DDB1: variants seen among roughly 807,000 people sequenced by gnomAD.
DDB1 encodes DNA damage-binding protein 1.
A neutral mutation model predicts 133.1 loss-of-function variants in DDB1; 18 were observed. That is an observed-to-expected ratio of 0.14 (90% confidence interval 0.09 to 0.20). The LOEUF is 0.20. Ranked by LOEUF, DDB1 falls within the 10% of genes least tolerant of loss-of-function variation. The pLI is 1.00. For synonymous variants in DDB1, 580 were observed against 550.5 expected, an observed-to-expected ratio of 1.05 and a Z score of -0.75; for missense variants, 828 against 1,459.2, an observed-to-expected ratio of 0.57 and a Z score of 7.05.
At position 61,332,999 on chromosome 11, in the gene DDB1, G is replaced by A. The variant is rs369927446; in HGVS notation, c.-31C>T. The stretch of plus-strand genomic sequence containing the variant: ...GGCTTGGAGCGGCCCGTCGGGACTC[G>A]AGCGCGACACTAGAAAGAGGGACAC... On this transcript the variant is annotated 5_prime_UTR_variant, in exon 1 of 27. Coordinates refer to ENST00000301764, the MANE Select transcript of DDB1 (RefSeq NM_001923.5). 6.7e-7 allele frequency: 1 copy of A among 1,483,024 alleles called. No homozygotes were observed. Among genetic ancestry groups the A allele is most frequent in the Non-Finnish European group, 9.0e-7 (1 of 1,107,206 alleles). The allele number at this position is 1,483,024 out of a possible 1,614,324, so 91.9% of individuals were successfully genotyped here. A position where few individuals can be genotyped will look rare whatever the true frequency, so the allele number is the denominator to read the frequency against.
intron 21 of DDB1, among the ~76,000 whole-genome samples, chr11:61,304,468 A>G (rs1165682304): frequency 6.6e-6 from 1 of 152,094 alleles, no homozygotes; most frequent in Non-Finnish European, 1.5e-5. Context: ...CTCTGTCTCA[A>G]AAAAAAGAAA....
intron 10 of DDB1, among the ~76,000 whole-genome samples, chr11:61,319,389 T>C (rs1856139517): frequency 6.6e-6 from 1 of 152,192 alleles, no homozygotes; most frequent in African/African-American, 2.4e-5. Flanking sequence ...CTTAACAGTA[T>C]GCTTCAGTAT....
intron 10 of DDB1, among the ~76,000 whole-genome samples, chr11:61,317,250 A>G (rs1316425891): frequency 1.3e-5 from 2 of 151,098 alleles, no homozygotes; most frequent in African/African-American, 4.9e-5. Context: ...AGTAGCTGGG[A>G]AGGCAGGTGC....
chr11:61,308,223 C>A (rs1260367284), intron 21 of DDB1, among the ~76,000 whole-genome samples: 2 of 152,198 alleles, frequency 1.3e-5, no homozygotes, highest in Admixed American at 6.5e-5. Context: ...TCCCCACAGA[C>A]ACCAGGCCCG....
chr11:61,329,965 T>C lies in DDB1; in HGVS notation c.320A>G (p.Asn107Ser), dbSNP rs1290024772. 1 of 1,612,294 alleles carries C rather than the reference T, an allele frequency of 6.2e-7. No homozygotes were observed. The highest frequency in any genetic ancestry group is 8.5e-7 in the Non-Finnish European group (1 of 1,178,530). ...SIDIITRAHGNVQDRIGRPSE... is the reference protein window; with the variant it reads ...SIDIITRAHGSVQDRIGRPSE... Reference sequence around the variant, plus strand: ...CTAAAGCAGCCACCTCACCTGGACATTGCCATGGGCTCGCGTAATGATGTC... The same window carrying C: ...CTAAAGCAGCCACCTCACCTGGACACTGCCATGGGCTCGCGTAATGATGTC... Residue 107 changes from asparagine to serine, a missense_variant, in exon 3 of 27, where the codon AAT becomes AGT. Asn to Ser is a conservative substitution (Grantham distance 46). Around this residue, in one of 7 missense-constraint regions of DDB1, gnomAD observed 210 missense variants for 344.8 expected, o/e 0.61. Transcript: ENST00000301764.
chr11:61,307,095 T>A (rs1460227206), intron 21 of DDB1, among the ~76,000 whole-genome samples: 1 of 152,208 alleles, frequency 6.6e-6, no homozygotes, highest in Non-Finnish European at 1.5e-5. Flanking sequence ...AGATCCCACC[T>A]CCTTTTGCCT....
Position 61,326,807 on chromosome 11 carries a change from G to C in DDB1, c.636C>G (p.Val212=). ...FNKGPWKQEN[V]EAEASMVIAV... is the part of the protein sequence containing the mutation. ...CGATCACCATGGAAGCTTCAGCTTC[G>C]ACATTTTCCTGTTTCCAAGGGCCCT... Residue 212 remains valine (V), a synonymous_variant, in exon 5 of 27, where the codon GTC becomes GTG. Coordinates refer to ENST00000301764, the MANE Select transcript of DDB1 (RefSeq NM_001923.5). The C allele has an allele frequency of 1.2e-6, 2 of 1,614,038 alleles. No homozygotes were observed. Among genetic ancestry groups the C allele is most frequent in the South Asian group, 2.2e-5 (2 of 91,062 alleles).
chr11:61,305,067 G>A (rs773936131), intron 21 of DDB1, among the ~76,000 whole-genome samples: 1 of 152,138 alleles, frequency 6.6e-6, no homozygotes, highest in Non-Finnish European at 1.5e-5. Flanking sequence ...GCCTCCCCTG[G>A]CAGATCCTTC....
intron 10 of DDB1, 54 bp from the exon 11 acceptor site, chr11:61,316,621 C>T: frequency 6.3e-7 from 1 of 1,583,174 alleles, no homozygotes; most frequent in Non-Finnish European, 8.7e-7. Flanking sequence ...ACTTAGCATG[C>T]ATATCTACGG....
In DDB1 at chr11:61,310,291, G is replaced by C; in HGVS notation, c.2401+4C>G. On this transcript the variant is annotated splice_donor_region_variant and intron_variant, in intron 19 of 26. Coordinates refer to ENST00000301764, the MANE Select transcript of DDB1 (RefSeq NM_001923.5). ...TAAAAATTATCGAAAGAGCTCATGTGCACCTTCAAAGGTGTGTTGGTCAAT... is the reference window on the plus strand; with the variant it reads ...TAAAAATTATCGAAAGAGCTCATGTCCACCTTCAAAGGTGTGTTGGTCAAT... 1 of 1,607,178 alleles carries C rather than the reference G, an allele frequency of 6.2e-7. No homozygotes were observed. Among genetic ancestry groups the C allele is most frequent in the South Asian group, 1.1e-5 (1 of 90,160 alleles).
chr11:61,333,024 C>A lies in DDB1; in HGVS notation c.-56G>T. 7.0e-7 allele frequency: 1 copy of A among 1,430,998 alleles called. No individual in the cohort carries two copies. The highest frequency in any genetic ancestry group is 9.3e-7 in the Non-Finnish European group (1 of 1,075,842). 88.6% of individuals were successfully genotyped at this position (1,430,998 alleles called of 1,614,324 possible). The stretch of plus-strand genomic sequence containing the variant: ...GAGCGCGACACTAGAAAGAGGGACA[C>A]AAGCGAAAAGACAGGTGGCCCCCAA... On this transcript the variant is annotated 5_prime_UTR_variant, in exon 1 of 27. Coordinates refer to ENST00000301764, the MANE Select transcript of DDB1 (RefSeq NM_001923.5).
intron 5 of DDB1, 101 bp from the exon 6 acceptor site, chr11:61,325,809 G>T (rs758286554): frequency 1.2e-6 from 1 of 864,100 alleles, no homozygotes; most frequent in African/African-American, 1.7e-5. Context: ...CAAACTTTAA[G>T]GTCATCATTA....
intron 4 of DDB1, chr11:61,327,382 T>A (rs1374647631): frequency 6.4e-6 from 1 of 156,166 alleles, no homozygotes; most frequent in Non-Finnish European, 1.4e-5. Context: ...GGCAGGAGAA[T>A]CACTTGAACC....
rs1324523430 is a variant in DDB1 at position 61,322,673 on chromosome 11, T to C, written c.1006-261A>G. The C allele has an allele frequency of 7.3e-6, 4 of 548,654 alleles. No homozygotes were observed. The African/African-American group carries it at 7.5e-5, about 10-fold the overall frequency. The allele number at this position is 548,654 out of a possible 1,614,324, so 34.0% of individuals were successfully genotyped here. A position where few individuals can be genotyped will look rare whatever the true frequency, so the allele number is the denominator to read the frequency against. Reference sequence around the variant, plus strand: ...AGTAGTGAATGTTTGAAAATTAATGTAAAATGTTTGCATGCATTTTTCTGC... The same window carrying C: ...AGTAGTGAATGTTTGAAAATTAATGCAAAATGTTTGCATGCATTTTTCTGC... On this transcript the variant is annotated intron_variant, in intron 8 of 26. Coordinates refer to ENST00000301764, the MANE Select transcript of DDB1 (RefSeq NM_001923.5).
chr11:61,303,666 C>T lies in DDB1; in HGVS notation c.2832+199G>A, dbSNP rs190920889. ...TTGCAGTAAGCCGAGATCGCACCACCGCACTTCAGCCTGGACAGAGCCAGA... is the reference window on the plus strand; with the variant it reads ...TTGCAGTAAGCCGAGATCGCACCACTGCACTTCAGCCTGGACAGAGCCAGA... On this transcript the variant is annotated intron_variant, in intron 22 of 26. Transcript: ENST00000301764. Among the ~76,000 whole-genome samples, 221 of 144,580 alleles carry T rather than the reference C, an allele frequency of 1.5e-3. 3 individuals carry two copies. The highest frequency in any genetic ancestry group is 5.1e-3 in the African/African-American group (191 of 37,136). 94.9% of individuals were successfully genotyped at this position (144,580 alleles called of 152,430 possible).
intron 10 of DDB1, among the ~76,000 whole-genome samples, chr11:61,319,431 T>C (rs1366739716): frequency 1.3e-5 from 2 of 151,930 alleles, no homozygotes; most frequent in South Asian, 4.2e-4. Context: ...ACTGCTTTCT[T>C]TTTTTTTCTT....
chr11:61,317,382 G>A (rs1177941409), intron 10 of DDB1, among the ~76,000 whole-genome samples: 1 of 152,042 alleles, frequency 6.6e-6, no homozygotes, highest in East Asian at 1.9e-4. Flanking sequence ...AAAGTGCTGG[G>A]ATTACAGGCG....
At chr11:61,322,165 T>C (rs965356992) in intron 9 of DDB1, 131 bp downstream of exon 9, 1 of 753,660 alleles carries the variant, frequency 1.3e-6, no homozygotes, top group South Asian at 1.6e-5. Flanking sequence ...GTTATCCTTA[T>C]ATCACTGGGA....
chr11:61,302,738 C>T lies in DDB1; in HGVS notation c.2956G>A (p.Asp986Asn). The T allele has an allele frequency of 6.2e-7, 1 of 1,614,200 alleles. No individual in the cohort carries two copies. Among genetic ancestry groups the T allele is most frequent in the South Asian group, 1.1e-5 (1 of 91,068 alleles). Residue 986 changes from aspartate to asparagine, a missense_variant, in exon 24 of 27, where the codon GAC (aspartate) becomes AAC (asparagine). Coordinates refer to ENST00000301764, the MANE Select transcript of DDB1 (RefSeq NM_001923.5). ...TCCTGGAGGTGCTGCCGCTCCTCGT[C>T]AGTGGTGGCAGCGCTGAAAGGCGGT... ...VCQKDSAATT[D>N]EERQHLQEVG...
Sources: gnomAD v4.1 joint callset for allele counts (sites outside exome capture counted in the v4.1 genomes callset) on GRCh38, gnomAD v4.1.1 for gene constraint, gnomAD v4.1.1 regional missense constraint, MANE v1.5 for transcripts, NCBI Gene and HGNC (gene_info 2026-07-23, HGNC 2026-07-21) for gene names.